Variants in PKNOX2 observed in about 807,000 individuals in gnomAD.
The protein encoded by PKNOX2 is PBX/knotted 1 homeobox 2.
Under a neutral mutation model 53.1 loss-of-function variants are expected in PKNOX2, and 14 were observed. The ratio of observed to expected loss-of-function variants is 0.26; its 90% CI spans 0.17 to 0.41. The LOEUF (loss-of-function observed/expected upper bound fraction) is 0.41. Among genes scored for constraint, PKNOX2 ranks in the 10% least tolerant of loss-of-function variants. The pLI is 1.00. For synonymous variants in PKNOX2, 257 were observed against 242.8 expected, an observed-to-expected ratio of 1.06 and a Z score of -0.54; for missense variants, 496 against 602.8, an observed-to-expected ratio of 0.82 and a Z score of 1.85.
At chr11:125,307,150 A>G (rs1948517420) in intron 2 of PKNOX2, among the ~76,000 whole-genome samples, 1 of 152,214 alleles carries the variant, frequency 6.6e-6, no homozygotes. Flanking sequence ...GACCTAGCAC[A>G]AAGCAGATAC....
In PKNOX2 at chr11:125,397,994, A is replaced by C. The variant is rs770377104; in HGVS notation, c.520A>C (p.Asn174His). The C allele has an allele frequency of 1.2e-6, 2 of 1,614,042 alleles. No homozygotes were observed. The highest frequency in any genetic ancestry group is 4.5e-5 in the East Asian group (2 of 44,894). ...TCLKTKMHSDNLLRNDLGGPY... is the reference protein window; with the variant it reads ...TCLKTKMHSDHLLRNDLGGPY... Reference sequence around the variant, plus strand: ...CCTCAAAACCAAGATGCACAGCGACAACCTGCTCAGGAATGATCTAGGGGG... The same window carrying C: ...CCTCAAAACCAAGATGCACAGCGACCACCTGCTCAGGAATGATCTAGGGGG... Residue 174 changes from asparagine to histidine, a missense_variant, in exon 7 of 13, where the codon AAC becomes CAC. This residue lies in a region of PKNOX2 where 141 missense variants were observed against 143.9 expected (regional missense o/e 0.98). Transcript: ENST00000298282.
chr11:125,214,945 A>C (rs1940309398), intron 1 of PKNOX2, among the ~76,000 whole-genome samples: 2 of 151,988 alleles, frequency 1.3e-5, no homozygotes, highest in African/African-American at 4.8e-5. Context: ...GAGATCCCCC[A>C]GGGGCCTGCG....
chr11:125,186,334 G>T (rs1956446829), intron 1 of PKNOX2, among the ~76,000 whole-genome samples: 1 of 152,194 alleles, frequency 6.6e-6, no homozygotes, highest in Admixed American at 6.6e-5. Context: ...CTCCCATTCT[G>T]GAGGTTTCTT....
At chr11:125,303,984 T>C (rs1948250241) in intron 2 of PKNOX2, among the ~76,000 whole-genome samples, 2 of 152,218 alleles carry the variant, frequency 1.3e-5, no homozygotes, top group Admixed American at 1.3e-4. Context: ...TACTGGGGCT[T>C]CCTCTAGGCC....
At chr11:125,256,830 GGA>G (rs1451643906) in intron 2 of PKNOX2, among the ~76,000 whole-genome samples, 1 of 152,184 alleles carries the variant, frequency 6.6e-6, no homozygotes, top group Non-Finnish European at 1.5e-5. Context: ...CAGGAGCAGG[GGA>G]GAGAGAGGCT....
Position 125,166,331 on chromosome 11 carries a change from G to A in PKNOX2, c.-201+1555G>A, listed in dbSNP as rs534737744. 4.0e-4 allele frequency among the ~76,000 whole-genome samples: 61 copies of A among 152,354 alleles called. No individual in the cohort carries two copies. Among genetic ancestry groups the A allele is most frequent in the African/African-American group, 1.3e-3 (55 of 41,582 alleles). ...TAGGCGATGAAAGTAGTTGATCTGA[G>A]CCATGGCAGGCGAGCCCCGAATTTT... On this transcript the variant is annotated intron_variant, in intron 1 of 12. Transcript: ENST00000298282. This position sits in a 1 kb window ranked among gnomAD's most constrained non-coding sequence, Gnocchi z 4.0.
chr11:125,389,461 G>C lies in PKNOX2; in HGVS notation c.399+3739G>C, dbSNP rs191857294. 1.1e-4 allele frequency among the ~76,000 whole-genome samples: 17 copies of C among 152,258 alleles called. No individual in the cohort carries two copies. The East Asian group carries it at 1.2e-3, about 10-fold the overall frequency. ...ACGCGGGTGGCTTTCCACCCTCATG[G>C]TGGTCAAGCTGCAATGCCCCTGGCT... On this transcript the variant is annotated intron_variant, in intron 6 of 12. Transcript: ENST00000298282.
At chr11:125,421,154 A>G (rs1956148480) in intron 10 of PKNOX2, among the ~76,000 whole-genome samples, 1 of 152,224 alleles carries the variant, frequency 6.6e-6, no homozygotes, top group African/African-American at 2.4e-5. Flanking sequence ...GTAATTGGGG[A>G]AATAAATGAT....
intron 10 of PKNOX2, among the ~76,000 whole-genome samples, chr11:125,425,947 T>C (rs1460516709): frequency 6.6e-6 from 1 of 152,166 alleles, no homozygotes; most frequent in Non-Finnish European, 1.5e-5. Context: ...TGGTGAGGAC[T>C]TGCACCAGGC....
chr11:125,324,278 T>A (rs1223624849), intron 2 of PKNOX2, among the ~76,000 whole-genome samples: 2 of 152,180 alleles, frequency 1.3e-5, no homozygotes, highest in Admixed American at 1.3e-4. Context: ...TTTCCCTTTT[T>A]AAAAATAGGA....
At chr11:125,361,529 C>T (rs1951924507) in intron 4 of PKNOX2, among the ~76,000 whole-genome samples, 2 of 152,168 alleles carry the variant, frequency 1.3e-5, no homozygotes, top group Admixed American at 1.3e-4. Flanking sequence ...CAATGCCAAC[C>T]ATCTTCTTTT....
chr11:125,417,060 T>C (rs11220057), intron 10 of PKNOX2, among the ~76,000 whole-genome samples: 59,574 of 151,866 alleles, frequency 0.39, 12,349 homozygotes, highest in Middle Eastern at 0.5. Context: ...ATTTTCTTGC[T>C]CTTGCATTTG....
At position 125,431,348 on chromosome 11, in the gene PKNOX2, A is replaced by C. The variant is rs1591571525; in HGVS notation, c.1375A>C (p.Asn459His). ...GGAGGTCGACGAGCTGCAGACGACA[A>C]ATGTCAGCGACCTGGGCTTGGAACA... ...EEEVDELQTT[N>H]VSDLGLEHSD... Residue 459 changes from asparagine (N) to histidine (H), a missense_variant, in exon 13 of 13, where the codon AAT becomes CAT. Asn to His is a moderately conservative substitution (Grantham distance 68). Transcript: ENST00000298282. 2 of 1,612,136 alleles carry C rather than the reference A, an allele frequency of 1.2e-6. No individual in the cohort carries two copies. The highest frequency in any genetic ancestry group is 4.5e-5 in the East Asian group (2 of 44,734).
At position 125,304,981 on chromosome 11, in the gene PKNOX2, C is replaced by T. The variant is rs182090877; in HGVS notation, c.-129-26838C>T. Among the ~76,000 whole-genome samples the T allele has an allele frequency of 7.9e-5, 12 of 152,298 alleles. No individual in the cohort carries two copies. The East Asian group carries it at 1.4e-3, about 17-fold the overall frequency. ...GTAGTATTGTGATTTCCTCCTTACACGCAAGGAAATGAAAACCAAAAGAGT... is the reference window on the plus strand; with the variant it reads ...GTAGTATTGTGATTTCCTCCTTACATGCAAGGAAATGAAAACCAAAAGAGT... On this transcript the variant is annotated intron_variant, in intron 2 of 12. Transcript: ENST00000298282.
chr11:125,189,652 G>T (rs1433019081), intron 1 of PKNOX2, among the ~76,000 whole-genome samples: 1 of 150,916 alleles, frequency 6.6e-6, no homozygotes. Flanking sequence ...ATAAACATCT[G>T]CTTGGCCATG....
chr11:125,389,206 A>C (rs1265407878), intron 6 of PKNOX2, among the ~76,000 whole-genome samples: 1 of 151,746 alleles, frequency 6.6e-6, no homozygotes, highest in African/African-American at 2.4e-5. Flanking sequence ...AAAACAAACA[A>C]ACAAACAAAC....
chr11:125,254,485 A>G (rs1944260886), intron 2 of PKNOX2, among the ~76,000 whole-genome samples: 1 of 152,256 alleles, frequency 6.6e-6, no homozygotes. Flanking sequence ...AGGCCTGATC[A>G]CTAAATGGCT....
At chr11:125,278,213 T>C (rs984793811) in intron 2 of PKNOX2, among the ~76,000 whole-genome samples, 4 of 143,644 alleles carry the variant, frequency 2.8e-5, no homozygotes, top group African/African-American at 1.0e-4. Flanking sequence ...AGTGAGACCC[T>C]GTCTAAAAAA....
chr11:125,386,173 C>A (rs1366311018), intron 6 of PKNOX2, among the ~76,000 whole-genome samples: 1 of 152,196 alleles, frequency 6.6e-6, no homozygotes, highest in Non-Finnish European at 1.5e-5. Flanking sequence ...GAGAGAAAGA[C>A]CTGACATCGA....
Sources: gnomAD v4.1 joint callset for allele counts (sites outside exome capture counted in the v4.1 genomes callset) on GRCh38, gnomAD v4.1.1 for gene constraint, gnomAD v4.1.1 regional missense constraint, Gnocchi (gnomAD v3.1) non-coding constraint, MANE v1.5 for transcripts, NCBI Gene and HGNC (gene_info 2026-07-23, HGNC 2026-07-21) for gene names.